GPHN: variants seen among roughly 807,000 people sequenced by gnomAD.
The protein encoded by GPHN is gephyrin.
GPHN carries 17 observed loss-of-function variants against 95.5 expected under a neutral mutation model. That is an observed-to-expected ratio of 0.18 (90% confidence interval 0.12 to 0.27). The LOEUF (loss-of-function observed/expected upper bound fraction) is 0.27. Ranked by LOEUF, GPHN falls within the 10% of genes least tolerant of loss-of-function variation. The pLI, the probability that GPHN is intolerant of heterozygous loss-of-function variation, is 1.00. For synonymous variants in GPHN, 320 were observed against 322.5 expected (o/e 0.99, Z 0.08); for missense variants, 660 against 978.1 (o/e 0.67, Z 4.34).
intron 10 of GPHN, among the ~76,000 whole-genome samples, chr14:67,058,240 C>T (rs1431603313): frequency 2.0e-5 from 3 of 152,126 alleles, no homozygotes; most frequent in African/African-American, 7.2e-5. Context: ...TTCTGTCTAG[C>T]AATAAATAAT....
chr14:67,248,636 G>T, the GPHN span, among the ~76,000 whole-genome samples: 366 of 152,146 alleles, frequency 2.4e-3, 9 homozygotes, highest in East Asian at 0.017. Flanking sequence ...TTAAGGCAGG[G>T]GTCAACAACT....
intron 8 of GPHN, among the ~76,000 whole-genome samples, chr14:66,951,338 G>A (rs1235799361): frequency 3.9e-5 from 6 of 151,920 alleles, no homozygotes; most frequent in Admixed American, 3.9e-4. Context: ...CCAACATGGT[G>A]AAACCCCGTC....
intron 8 of GPHN, among the ~76,000 whole-genome samples, chr14:66,963,771 T>A (rs2069129480): frequency 6.6e-6 from 1 of 152,116 alleles, no homozygotes; most frequent in African/African-American, 2.4e-5. Context: ...CCATATAAAA[T>A]TTCAAACACT....
chr14:66,595,634 G>A (rs2061941862), intron 1 of GPHN, among the ~76,000 whole-genome samples: 1 of 152,146 alleles, frequency 6.6e-6, no homozygotes, highest in African/African-American at 2.4e-5. Flanking sequence ...GCTCAATGAG[G>A]CTTACTGCAA....
At chr14:67,000,582 A>G (rs2153610392) in intron 9 of GPHN, among the ~76,000 whole-genome samples, 1 of 151,744 alleles carries the variant, frequency 6.6e-6, no homozygotes, top group African/African-American at 2.4e-5. Flanking sequence ...TGCCATTTGT[A>G]TACTATAGTT....
intron 2 of GPHN, among the ~76,000 whole-genome samples, chr14:66,771,375 G>A (rs901167926): frequency 2.0e-5 from 3 of 152,074 alleles, no homozygotes; most frequent in Non-Finnish European, 4.4e-5. Flanking sequence ...TTTCTTGGGT[G>A]AATAGTAGCC....
At chr14:67,086,508 G>A (rs112561408) in intron 11 of GPHN, among the ~76,000 whole-genome samples, 1,491 of 148,172 alleles carry the variant, frequency 0.01, 26 homozygotes, top group African/African-American at 0.035. Context: ...AAAATTAGCC[G>A]GGCGAGGTGG....
Position 66,553,984 on chromosome 14 carries a change from TC to T in GPHN, c.64+45394del, listed in dbSNP as rs751151058. ...ATTATTGATTTTTAACGTGATAGTT[TC>T]TTTGACTCTATCTTCTCTTTGTTTA... On this transcript the variant is annotated intron_variant, in intron 1 of 22. Coordinates refer to ENST00000478722, the MANE Select transcript of GPHN (RefSeq NM_020806.5). 6.6e-4 allele frequency among the ~76,000 whole-genome samples: 101 copies of T among 152,370 alleles called. 1 individual carries two copies. Among genetic ancestry groups the T allele is most frequent in the Non-Finnish European group, 1.2e-3 (84 of 68,040 alleles).
chr14:67,107,165 G>A (rs1363116260), intron 13 of GPHN, among the ~76,000 whole-genome samples: 1 of 152,124 alleles, frequency 6.6e-6, no homozygotes, highest in Non-Finnish European at 1.5e-5. Context: ...AATATCCTTG[G>A]TGTCAAGGGC....
At chr14:67,460,000 C>T in the GPHN span, among the ~76,000 whole-genome samples, 1 of 152,186 alleles carries the variant, frequency 6.6e-6, no homozygotes, top group Non-Finnish European at 1.5e-5. Context: ...GAAGACTCTA[C>T]AGTTATTTTA....
At chr14:67,391,832 G>A in the GPHN span, among the ~76,000 whole-genome samples, 3 of 152,164 alleles carry the variant, frequency 2.0e-5, no homozygotes, top group African/African-American at 7.2e-5. Context: ...GCCAGGCTTT[G>A]AATAGGGAGC....
chr14:66,940,124 T>C (rs1177251273), intron 8 of GPHN, among the ~76,000 whole-genome samples: 4 of 152,074 alleles, frequency 2.6e-5, no homozygotes, highest in African/African-American at 7.2e-5. Context: ...AGTTTAAGGT[T>C]TGGGAAATTA....
chr14:67,514,979 C>CATCACCGTCCCCA, the GPHN span: 4 of 152,300 alleles, frequency 2.6e-5, no homozygotes, highest in East Asian at 7.8e-4. Flanking sequence ...CAGTCTTCCC[C>CATCACCGTCCCCA]TCACCGTCCC....
chr14:66,703,317 A>G (rs2068738670), intron 2 of GPHN, among the ~76,000 whole-genome samples: 2 of 151,984 alleles, frequency 1.3e-5, no homozygotes, highest in African/African-American at 4.8e-5. Flanking sequence ...GATACTCCAC[A>G]AGATCAACCC....
At chr14:67,518,977 C>A in the GPHN span, among the ~76,000 whole-genome samples, 5 of 152,166 alleles carry the variant, frequency 3.3e-5, no homozygotes, top group Non-Finnish European at 7.3e-5. Flanking sequence ...GCAGAAGAAG[C>A]ATTGAAGTTG....
At chr14:67,414,586 G>A in the GPHN span, among the ~76,000 whole-genome samples, 5 of 152,186 alleles carry the variant, frequency 3.3e-5, no homozygotes, top group African/African-American at 9.6e-5. Context: ...TTTTTGTCCC[G>A]AAGGGACAGG....
chr14:66,999,385 C>T (rs1010067595), intron 9 of GPHN, among the ~76,000 whole-genome samples: 1 of 151,786 alleles, frequency 6.6e-6, no homozygotes. Flanking sequence ...ACCTATAAGA[C>T]ACAAAACTTT....
At chr14:66,868,777 A>G (rs1298770218) in intron 4 of GPHN, among the ~76,000 whole-genome samples, 3 of 152,186 alleles carry the variant, frequency 2.0e-5, no homozygotes, top group African/African-American at 7.2e-5. Flanking sequence ...TAAAATATGA[A>G]CAATTTCATC....
At chr14:66,546,640 C>T (rs1278612510) in intron 1 of GPHN, among the ~76,000 whole-genome samples, 5 of 152,176 alleles carry the variant, frequency 3.3e-5, no homozygotes, top group South Asian at 4.1e-4. Context: ...GGCGTGGCGG[C>T]GCGTGCCTGC....
Sources: gnomAD v4.1 joint callset for allele counts (sites outside exome capture counted in the v4.1 genomes callset) on GRCh38, gnomAD v4.1.1 for gene constraint, MANE v1.5 for transcripts, NCBI Gene and HGNC (gene_info 2026-07-23, HGNC 2026-07-21) for gene names.